Variants in STK32B observed in about 807,000 individuals in gnomAD.
STK32B encodes the protein serine/threonine-protein kinase 32B.
Under a neutral mutation model 52.6 loss-of-function variants are expected in STK32B, and 43 were observed. The observed-to-expected ratio is 0.82, with a 90% CI of 0.64 to 1.05. The LOEUF is 1.05. Ranked by LOEUF, STK32B falls within the 50% of genes least tolerant of loss-of-function variation. STK32B has a pLI of 0.00. For synonymous variants in STK32B, 238 were observed against 204.3 expected (o/e 1.17, Z -1.41); for missense variants, 621 against 534.6 (o/e 1.16, Z -1.59).
chr4:5,382,125 G>A (rs960999416), intron 4 of STK32B, among the ~76,000 whole-genome samples: 12 of 152,206 alleles, frequency 7.9e-5, no homozygotes, highest in African/African-American at 2.2e-4. Context: ...AGGGCAATGC[G>A]CTTTACTCAA....
chr4:5,194,107 G>T (rs1721452646), intron 3 of STK32B, among the ~76,000 whole-genome samples: 1 of 152,116 alleles, frequency 6.6e-6, no homozygotes, highest in African/African-American at 2.4e-5. Context: ...TCACTTGCCT[G>T]TTTGATTTCA....
chr4:5,328,491 C>T (rs1418583019), intron 3 of STK32B, among the ~76,000 whole-genome samples: 2 of 152,030 alleles, frequency 1.3e-5, no homozygotes, highest in Non-Finnish European at 2.9e-5. Context: ...TAGAAAGGCC[C>T]AAGGAGAAAG....
intron 3 of STK32B, among the ~76,000 whole-genome samples, chr4:5,209,204 G>A (rs1374619): frequency 0.066 from 9,986 of 152,218 alleles, 575 homozygotes; most frequent in Admixed American, 0.17. Context: ...TATGTGTCAG[G>A]AAATAGAGTT....
chr4:5,268,538 G>GGGGT (rs1727198045), intron 3 of STK32B, among the ~76,000 whole-genome samples: 1 of 140,092 alleles, frequency 7.1e-6, no homozygotes, highest in African/African-American at 2.6e-5. Context: ...TGCTTGGTGT[G>GGGGT]GTGTGTGTGT....
intron 3 of STK32B, among the ~76,000 whole-genome samples, chr4:5,226,449 G>A (rs1198474823): frequency 6.6e-6 from 1 of 152,142 alleles, no homozygotes; most frequent in Non-Finnish European, 1.5e-5. Context: ...AGAAGTAAAT[G>A]ATTCATAGGT....
At chr4:5,299,645 A>G (rs995867359) in intron 3 of STK32B, among the ~76,000 whole-genome samples, 1 of 152,160 alleles carries the variant, frequency 6.6e-6, no homozygotes, top group South Asian at 2.1e-4. Flanking sequence ...TTGTACCAGA[A>G]TCATGCTGCT....
In STK32B at chr4:5,399,076, G is replaced by A. The variant is rs1737112327; in HGVS notation, c.472+832G>A. On this transcript the variant is annotated intron_variant, in intron 5 of 11. Coordinates refer to ENST00000282908, the MANE Select transcript of STK32B (RefSeq NM_018401.3). The surrounding 1 kb of genome is among the most constrained non-coding windows in gnomAD (Gnocchi z 5.4). ...TTAAGAACCATGAGCCTAGGGCTCA[G>A]ATCAAGAATGCTCAGTGGACTTGAC... is the stretch of plus-strand genomic sequence containing the variant. Among the ~76,000 whole-genome samples, 1 of 150,764 alleles carries A rather than the reference G, an allele frequency of 6.6e-6. No homozygotes were observed. Among genetic ancestry groups the A allele is most frequent in the South Asian group, 2.1e-4 (1 of 4,812 alleles).
chr4:5,342,901 A>G (rs1733181112), intron 4 of STK32B, among the ~76,000 whole-genome samples: 1 of 152,216 alleles, frequency 6.6e-6, no homozygotes, highest in South Asian at 2.1e-4. Flanking sequence ...CATTTAATAA[A>G]TCAATATTGA....
intron 3 of STK32B, among the ~76,000 whole-genome samples, chr4:5,253,105 C>G (rs755756025): frequency 2.6e-5 from 4 of 152,154 alleles, no homozygotes; most frequent in Non-Finnish European, 5.9e-5. Context: ...TTGGCCTCAA[C>G]TCTTTCCAAT....
intron 1 of STK32B, among the ~76,000 whole-genome samples, chr4:5,099,460 G>GCA (rs1553823553): frequency 6.6e-6 from 1 of 152,100 alleles, no homozygotes; most frequent in Non-Finnish European, 1.5e-5. Flanking sequence ...GCGCGCGCGC[G>GCA]TATGTGATGT....
intron 7 of STK32B, among the ~76,000 whole-genome samples, chr4:5,450,739 A>T (rs1170218336): frequency 6.6e-6 from 1 of 152,236 alleles, no homozygotes; most frequent in East Asian, 1.9e-4. Flanking sequence ...GATTCTGATT[A>T]TGTTAATTAC....
At chr4:5,101,388 A>G (rs1334518806) in intron 1 of STK32B, among the ~76,000 whole-genome samples, 2 of 152,210 alleles carry the variant, frequency 1.3e-5, no homozygotes, top group Non-Finnish European at 2.9e-5. Context: ...GAAAGGAGAA[A>G]GTGGGAAGAG....
chr4:5,168,573 G>A (rs900034551), intron 3 of STK32B, 123 bp downstream of exon 3: 11 of 1,195,624 alleles, frequency 9.2e-6, no homozygotes, highest in Non-Finnish European at 1.1e-5. Flanking sequence ...TCTGGGTTCA[G>A]TTATTCTTAA....
intron 3 of STK32B, among the ~76,000 whole-genome samples, chr4:5,317,113 T>C (rs1360662937): frequency 2.5e-5 from 1 of 40,746 alleles, no homozygotes; most frequent in South Asian, 1.3e-3. Context: ...ATATATAATA[T>C]ATATAATACA....
At chr4:5,176,428 C>T (rs905496871) in intron 3 of STK32B, among the ~76,000 whole-genome samples, 40 of 138,862 alleles carry the variant, frequency 2.9e-4, no homozygotes, top group Admixed American at 7.7e-4. Flanking sequence ...TGTTCCTATT[C>T]GGCCATCATC....
chr4:5,299,898 C>T (rs1333546101), intron 3 of STK32B, among the ~76,000 whole-genome samples: 1 of 152,058 alleles, frequency 6.6e-6, no homozygotes, highest in East Asian at 1.9e-4. Flanking sequence ...TGAAACTATT[C>T]CAAAAATTAA....
intron 6 of STK32B, among the ~76,000 whole-genome samples, chr4:5,444,602 C>G (rs1365848241): frequency 6.6e-6 from 1 of 152,196 alleles, no homozygotes; most frequent in African/African-American, 2.4e-5. Context: ...GGAGCTGTTC[C>G]TATTCGGCCA....
At chr4:5,071,927 A>G (rs1037403511) in intron 1 of STK32B, among the ~76,000 whole-genome samples, 1 of 152,170 alleles carries the variant, frequency 6.6e-6, no homozygotes, top group Non-Finnish European at 1.5e-5. Flanking sequence ...TTAGCCAGAA[A>G]ACAAAACACA....
At chr4:5,049,702 G>T (rs537290026), upstream of STK32B, among the ~76,000 whole-genome samples, 5 of 152,002 alleles carry the variant, frequency 3.3e-5, no homozygotes, top group East Asian at 9.8e-4. Context: ...AGGTCACAGG[G>T]GTTATGATGG....
Sources: gnomAD v4.1 joint callset for allele counts (sites outside exome capture counted in the v4.1 genomes callset) on GRCh38, gnomAD v4.1.1 for gene constraint, Gnocchi (gnomAD v3.1) non-coding constraint, MANE v1.5 for transcripts, NCBI Gene and HGNC (gene_info 2026-07-23, HGNC 2026-07-21) for gene names.